Variants in RB1 observed in about 807,000 individuals in gnomAD.
RB1 encodes RB transcriptional corepressor 1.
RB1 carries 18 observed loss-of-function variants against 135.4 expected under a neutral mutation model. The ratio of observed to expected loss-of-function variants is 0.13; its 90% CI spans 0.09 to 0.20. The LOEUF (loss-of-function observed/expected upper bound fraction) is 0.20. Ranked by LOEUF, RB1 falls within the 10% of genes least tolerant of loss-of-function variation. The pLI, the probability that RB1 is intolerant of heterozygous loss-of-function variation, is 1.00. For missense variants in RB1, 868 were observed against 1,110.0 expected (o/e 0.78, Z 3.10); for synonymous variants, 365 against 373.2 (o/e 0.98, Z 0.25).
At position 48,387,046 on chromosome 13, in the gene RB1, C is replaced by T. The variant is rs149261682; in HGVS notation, c.1695+5603C>T. ...GTCAGAAAACAGTAACCATAATTAT[C>T]TGAAAAGGTTATTAAAGTACTCCTC... On this transcript the variant is annotated intron_variant, in intron 17 of 26. Coordinates refer to ENST00000267163, the MANE Select transcript of RB1 (RefSeq NM_000321.3). Among the ~76,000 whole-genome samples the T allele has an allele frequency of 2.6e-3, 393 of 152,262 alleles. 4 individuals carry two copies. Among genetic ancestry groups the T allele is most frequent in the African/African-American group, 9.1e-3 (378 of 41,562 alleles).
intron 2 of RB1, among the ~76,000 whole-genome samples, chr13:48,316,162 G>C (rs1952179772): frequency 1.3e-5 from 2 of 151,956 alleles, no homozygotes; most frequent in South Asian, 4.1e-4. Context: ...ATGCAACAGG[G>C]AGCTCTCACG....
chr13:48,376,677 G>A (rs1013440666), intron 12 of RB1, among the ~76,000 whole-genome samples: 18 of 152,154 alleles, frequency 1.2e-4, no homozygotes, highest in African/African-American at 3.6e-4. Flanking sequence ...CTCTTCTCTA[G>A]CCTAGTGGCA....
At chr13:48,336,878 T>C (rs541287575) in intron 2 of RB1, among the ~76,000 whole-genome samples, 1 of 152,214 alleles carries the variant, frequency 6.6e-6, no homozygotes, top group Non-Finnish European at 1.5e-5. Flanking sequence ...TCTGGTATGT[T>C]GTGTCTTTGT....
chr13:48,416,357 G>A (rs1285236562), intron 17 of RB1: 1 of 152,284 alleles, frequency 6.6e-6, no homozygotes, highest in Non-Finnish European at 1.5e-5. Flanking sequence ...CTAGCTAAGG[G>A]AAGCCATGAG....
intron 17 of RB1, among the ~76,000 whole-genome samples, chr13:48,428,477 C>T (rs1419671163): frequency 1.3e-5 from 2 of 152,224 alleles, no homozygotes; most frequent in African/African-American, 4.8e-5. Context: ...TTGGGGATCA[C>T]ATTTCAACAC....
At chr13:48,318,343 C>T in intron 2 of RB1, 1 of 1,406,998 alleles carries the variant, frequency 7.1e-7, no homozygotes, top group Middle Eastern at 2.5e-4. Context: ...CTGCACGCAG[C>T]CCTGGGTTCC....
chr13:48,315,961 CAACAGTGTAT>C (rs1449985697), intron 2 of RB1, among the ~76,000 whole-genome samples: 1 of 152,198 alleles, frequency 6.6e-6, no homozygotes, highest in East Asian at 1.9e-4. Context: ...ACATTTCCAC[CAACAGTGTAT>C]AAGCATTCCC....
At chr13:48,433,062 A>G (rs1949146530) in intron 17 of RB1, among the ~76,000 whole-genome samples, 1 of 152,138 alleles carries the variant, frequency 6.6e-6, no homozygotes, top group Non-Finnish European at 1.5e-5. Context: ...CTGTCATACC[A>G]TAAGTTTCTC....
chr13:48,340,514 TA>T, intron 2 of RB1, among the ~76,000 whole-genome samples: 2 of 151,830 alleles, frequency 1.3e-5, no homozygotes, highest in East Asian at 3.9e-4. Context: ...TTCGCTGTTT[TA>T]AAAAAATGAA....
intron 17 of RB1, among the ~76,000 whole-genome samples, chr13:48,436,979 A>G (rs552982773): frequency 2.6e-5 from 4 of 152,202 alleles, no homozygotes; most frequent in Non-Finnish European, 5.9e-5. Context: ...TGATAATCAG[A>G]ATCTCTTTTA....
At chr13:48,446,616 G>A (rs980398826) in intron 17 of RB1, among the ~76,000 whole-genome samples, 6 of 152,204 alleles carry the variant, frequency 3.9e-5, no homozygotes, top group Non-Finnish European at 8.8e-5. Context: ...GCTTTGCTTA[G>A]GAGGTGCTAT....
intron 17 of RB1, among the ~76,000 whole-genome samples, chr13:48,399,990 C>T (rs1948678335): frequency 6.6e-6 from 1 of 151,956 alleles, no homozygotes; most frequent in Admixed American, 6.6e-5. Context: ...TCTCTTTGTT[C>T]ATTAATTGGC....
intron 4 of RB1, 77 bp from the exon 5 acceptor site, chr13:48,347,748 A>C (rs198616): frequency 1.1e-6 from 1 of 945,376 alleles, no homozygotes; most frequent in Admixed American, 2.0e-5. Context: ...AAAAGAAGAT[A>C]AATAAAGCAT....
At chr13:48,321,048 TAAGGCCTTTATC>T (rs1952232919) in intron 2 of RB1, among the ~76,000 whole-genome samples, 2 of 152,024 alleles carry the variant, frequency 1.3e-5, no homozygotes, top group African/African-American at 4.8e-5. Context: ...GCCCCAAGGA[TAAGGCCTTTATC>T]ACTCCGACGC....
chr13:48,402,379 C>CTTTTTTTTT (rs545934425), intron 17 of RB1, among the ~76,000 whole-genome samples: 104,176 of 125,100 alleles, frequency 0.83, 45,333 homozygotes, highest in East Asian at 0.98. Context: ...TGTAGAAAAC[C>CTTTTTTTTT]TTTTTTTTTT....
At chr13:48,395,227 GA>G in intron 17 of RB1, among the ~76,000 whole-genome samples, 1 of 152,272 alleles carries the variant, frequency 6.6e-6, no homozygotes. Context: ...CGTCCACACA[GA>G]AACCCCATTT....
intron 7 of RB1, among the ~76,000 whole-genome samples, chr13:48,361,942 A>AT (rs5803430): frequency 0.85 from 111,017 of 130,532 alleles, 49,380 homozygotes; most frequent in Non-Finnish European, 0.97. Flanking sequence ...ATCATCTGTA[A>AT]TTTTTTTTTT....
chr13:48,403,064 T>G (rs531393904), intron 17 of RB1, among the ~76,000 whole-genome samples: 1 of 152,214 alleles, frequency 6.6e-6, no homozygotes, highest in South Asian at 2.1e-4. Flanking sequence ...TTGGTAAAAT[T>G]AGTTGGAAAA....
chr13:48,452,707 C>T (rs1285562363), intron 17 of RB1, among the ~76,000 whole-genome samples: 1 of 151,906 alleles, frequency 6.6e-6, no homozygotes, highest in African/African-American at 2.4e-5. Context: ...TCTTTCTCTC[C>T]ACTTTCTTCG....
Sources: allele counts gnomAD v4.1 joint callset (sites outside exome capture counted in the v4.1 genomes callset), GRCh38; gene constraint gnomAD v4.1.1; transcripts MANE v1.5; gene names NCBI Gene and HGNC (gene_info 2026-07-23, HGNC 2026-07-21).